TBC1D19: variants seen among roughly 807,000 people sequenced by gnomAD.
TBC1D19 encodes the protein TBC1 domain family, member 19.
TBC1D19 carries 60 observed loss-of-function variants against 89.0 expected under a neutral mutation model. The ratio of observed to expected loss-of-function variants is 0.67; its 90% CI spans 0.55 to 0.84. The LOEUF is 0.84. Ranked by LOEUF, TBC1D19 falls within the 40% of genes least tolerant of loss-of-function variation. The probability of loss-of-function intolerance (pLI) is 0.00; values close to 1 mark genes in which losing one functional copy is unlikely to be tolerated. For synonymous variants in TBC1D19, 189 were observed against 199.7 expected (o/e 0.95, Z 0.45); for missense variants, 500 against 610.8 (o/e 0.82, Z 1.91).
At chr4:26,716,097 A>G (rs1461606939) in intron 13 of TBC1D19, among the ~76,000 whole-genome samples, 1 of 152,066 alleles carries the variant, frequency 6.6e-6, no homozygotes, top group Non-Finnish European at 1.5e-5. Flanking sequence ...CTAATACACT[A>G]TATAATGTAA....
intron 16 of TBC1D19, among the ~76,000 whole-genome samples, chr4:26,736,744 C>T (rs552921641): frequency 2.0e-5 from 3 of 152,230 alleles, no homozygotes; most frequent in Non-Finnish European, 2.9e-5. Context: ...TGAGTTTGAG[C>T]TCATGATTTC....
intron 13 of TBC1D19, among the ~76,000 whole-genome samples, chr4:26,696,099 G>A (rs1372892389): frequency 6.6e-6 from 1 of 152,226 alleles, no homozygotes; most frequent in Non-Finnish European, 1.5e-5. Flanking sequence ...TCAGTGTGCT[G>A]TATTCAGGAG....
intron 7 of TBC1D19, among the ~76,000 whole-genome samples, chr4:26,640,424 T>G (rs544775210): frequency 6.6e-6 from 1 of 152,160 alleles, no homozygotes; most frequent in Non-Finnish European, 1.5e-5. Context: ...AAATAGTAAC[T>G]GTAGGAAGTG....
the TBC1D19 span, among the ~76,000 whole-genome samples, chr4:26,762,141 A>C: frequency 6.6e-5 from 10 of 152,116 alleles, no homozygotes; most frequent in Non-Finnish European, 1.3e-4. Flanking sequence ...GTCTCAAAAT[A>C]AATAAATAAA....
intron 1 of TBC1D19, among the ~76,000 whole-genome samples, chr4:26,612,304 A>T (rs1470439262): frequency 6.6e-6 from 1 of 151,644 alleles, no homozygotes; most frequent in East Asian, 1.9e-4. Flanking sequence ...CCAGAAAGGG[A>T]TTGAATCACG....
upstream of TBC1D19, among the ~76,000 whole-genome samples, chr4:26,582,301 A>C (rs1739096405): frequency 6.6e-6 from 1 of 152,212 alleles, no homozygotes; most frequent in African/African-American, 2.4e-5. Context: ...ACAGAGAAGA[A>C]AATGAAACTG....
At chr4:26,686,093 C>T (rs2109149999) in intron 12 of TBC1D19, among the ~76,000 whole-genome samples, 1 of 152,090 alleles carries the variant, frequency 6.6e-6, no homozygotes. Context: ...TCACTCCAAA[C>T]ATTATTGAAG....
chr4:26,842,396 G>A, the TBC1D19 span, among the ~76,000 whole-genome samples: 1 of 127,260 alleles, frequency 7.9e-6, no homozygotes, highest in Non-Finnish European at 1.6e-5. Context: ...CCAGGCTGGA[G>A]TGCAGTGGTG....
the TBC1D19 span, chr4:26,857,803 A>C: frequency 6.6e-6 from 1 of 152,556 alleles, no homozygotes; most frequent in South Asian, 2.1e-4. Flanking sequence ...GAAGAGGGAG[A>C]TAGGGAGCCC....
chr4:26,852,396 A>C, the TBC1D19 span, among the ~76,000 whole-genome samples: 1 of 152,078 alleles, frequency 6.6e-6, no homozygotes, highest in Non-Finnish European at 1.5e-5. Flanking sequence ...CTCTACAAAA[A>C]AAATACAAAA....
At chr4:26,790,181 TAAAC>T in the TBC1D19 span, among the ~76,000 whole-genome samples, 4 of 152,138 alleles carry the variant, frequency 2.6e-5, no homozygotes, top group Non-Finnish European at 1.5e-5. Context: ...AAATTTATAA[TAAAC>T]AAAACTTTCT....
At chr4:26,707,475 A>G (rs990068971) in intron 13 of TBC1D19, among the ~76,000 whole-genome samples, 2 of 151,854 alleles carry the variant, frequency 1.3e-5, no homozygotes, top group East Asian at 3.9e-4. Flanking sequence ...TGTCTTTTTA[A>G]ATTTATTCTG....
At chr4:26,766,910 G>A in the TBC1D19 span, among the ~76,000 whole-genome samples, 1 of 152,080 alleles carries the variant, frequency 6.6e-6, no homozygotes, top group African/African-American at 2.4e-5. Context: ...TTATCATCAA[G>A]GGACATACAA....
intron 7 of TBC1D19, among the ~76,000 whole-genome samples, chr4:26,657,392 A>G (rs2109068106): frequency 6.6e-6 from 1 of 152,220 alleles, no homozygotes; most frequent in Middle Eastern, 3.4e-3. Flanking sequence ...AACTTCATCC[A>G]TGTCCCTGCA....
chr4:26,805,926 G>A, the TBC1D19 span, among the ~76,000 whole-genome samples: 1 of 152,032 alleles, frequency 6.6e-6, no homozygotes, highest in East Asian at 1.9e-4. Flanking sequence ...AGCCGAGATC[G>A]CACTATTGCC....
the TBC1D19 span, among the ~76,000 whole-genome samples, chr4:26,849,097 G>A: frequency 6.6e-6 from 1 of 152,062 alleles, no homozygotes; most frequent in Admixed American, 6.6e-5. Flanking sequence ...GATTACTTGA[G>A]CCCAGGAGGT....
chr4:26,609,180 C>T (rs1741204493), intron 1 of TBC1D19, among the ~76,000 whole-genome samples: 1 of 151,142 alleles, frequency 6.6e-6, no homozygotes, highest in Non-Finnish European at 1.5e-5. Flanking sequence ...GCACATTGTG[C>T]ACATGTACCC....
intron 1 of TBC1D19, among the ~76,000 whole-genome samples, chr4:26,599,995 C>A (rs973915640): frequency 2.1e-5 from 3 of 144,014 alleles, no homozygotes. Context: ...CACTCATCTT[C>A]TAGATGATGG....
At chr4:26,770,542 C>A in the TBC1D19 span, among the ~76,000 whole-genome samples, 3 of 151,698 alleles carry the variant, frequency 2.0e-5, 1 homozygote, top group South Asian at 6.3e-4. Context: ...CCTATTCCAC[C>A]AATAATTGAT....
Sources: allele counts gnomAD v4.1 joint callset (sites outside exome capture counted in the v4.1 genomes callset), GRCh38; gene constraint gnomAD v4.1.1; transcripts MANE v1.5; gene names NCBI Gene and HGNC (gene_info 2026-07-23, HGNC 2026-07-21).